The following FAT3 variants were observed in gnomAD, a reference collection of about 807,000 sequenced individuals.
FAT3 encodes FAT atypical cadherin 3.
FAT3 carries 95 observed loss-of-function variants against 310.2 expected under a neutral mutation model. The ratio of observed to expected loss-of-function variants is 0.31; its 90% confidence interval spans 0.26 to 0.36. The LOEUF is 0.36. Ranked by LOEUF, FAT3 falls within the 10% of genes least tolerant of loss-of-function variation. The pLI, the probability that FAT3 is intolerant of heterozygous loss-of-function variation, is 1.00. For missense variants in FAT3, 5,408 were observed against 5,715.6 expected (o/e 0.95, Z 1.74); for synonymous variants, 2,314 against 2,192.9 (o/e 1.06, Z -1.54).
At chr11:92,634,770 T>C (rs1167746207) in intron 3 of FAT3, among the ~76,000 whole-genome samples, 1 of 152,168 alleles carries the variant, frequency 6.6e-6, no homozygotes, top group Non-Finnish European at 1.5e-5. Context: ...ACATTTGTGT[T>C]CCCCAAAAAT....
chr11:92,462,027 G>C (rs646518), intron 2 of FAT3, among the ~76,000 whole-genome samples: 3 of 152,238 alleles, frequency 2.0e-5, no homozygotes, highest in Non-Finnish European at 1.5e-5. Flanking sequence ...TCAGAATCTC[G>C]TACTCTGAAT....
intron 12 of FAT3, among the ~76,000 whole-genome samples, chr11:92,808,564 G>T (rs1947573076): frequency 6.6e-6 from 1 of 152,176 alleles, no homozygotes; most frequent in Non-Finnish European, 1.5e-5. Flanking sequence ...AGAGGGAAAT[G>T]ATCCAACCTG....
chr11:92,410,478 A>G (rs1288421124), intron 2 of FAT3, among the ~76,000 whole-genome samples: 1 of 152,146 alleles, frequency 6.6e-6, no homozygotes, highest in Non-Finnish European at 1.5e-5. Flanking sequence ...CTGAGAGATT[A>G]TGATGCGATG....
At chr11:92,712,852 G>A (rs1343910165) in intron 4 of FAT3, among the ~76,000 whole-genome samples, 3 of 152,218 alleles carry the variant, frequency 2.0e-5, no homozygotes, top group Non-Finnish European at 4.4e-5. Flanking sequence ...ACCACCTACA[G>A]TTTAACTTAA....
At chr11:92,584,688 T>C (rs956295330) in intron 3 of FAT3, among the ~76,000 whole-genome samples, 1 of 151,704 alleles carries the variant, frequency 6.6e-6, no homozygotes, top group African/African-American at 2.4e-5. Flanking sequence ...AGAAAAGGAG[T>C]GGGGAATGCA....
At chr11:92,442,402 C>T (rs559728380) in intron 2 of FAT3, among the ~76,000 whole-genome samples, 210 of 150,738 alleles carry the variant, frequency 1.4e-3, no homozygotes, top group African/African-American at 4.8e-3. Context: ...CATGAGCCAC[C>T]GCGCCTGGCC....
At chr11:92,271,416 A>T (rs975424417) in intron 1 of FAT3, among the ~76,000 whole-genome samples, 7 of 151,996 alleles carry the variant, frequency 4.6e-5, no homozygotes, top group African/African-American at 1.4e-4. Flanking sequence ...ATTCCTGACC[A>T]CCTTAGCTAA....
rs115832117 is a variant in FAT3, at chr11:92,727,751, G to A, written c.3669+30306G>A. Among the ~76,000 whole-genome samples the A allele has an allele frequency of 4.0e-3, 608 of 152,226 alleles. 3 individuals are homozygous for A. Among genetic ancestry groups the A allele is most frequent in the African/African-American group, 0.014 (572 of 41,532 alleles). On this transcript the variant is annotated intron_variant, in intron 4 of 27. Coordinates refer to ENST00000525166, the MANE Select transcript of FAT3 (RefSeq NM_001367949.2). ...TGTTTTCCTCACATGCCTTAGAGTGGTCTTTGTCTTTAAAGTGACAGGCTC... is the reference window on the plus strand; with the variant it reads ...TGTTTTCCTCACATGCCTTAGAGTGATCTTTGTCTTTAAAGTGACAGGCTC...
chr11:92,800,450 T>C lies in FAT3; in HGVS notation c.7437T>C (p.Thr2479=), dbSNP rs970627675. 6.2e-7 allele frequency: 1 copy of C among 1,613,916 alleles called. No homozygotes were observed. The highest frequency in any genetic ancestry group is 1.3e-5 in the African/African-American group (1 of 74,950). ...TCTCTGATGGGTTGTTCACCAGCAC[T>C]GCACAGGTGCATATTAGGGTACTTG... ...VSVSDGLFTS[T]AQVHIRVLGA... Residue 2479 remains threonine (T), a synonymous_variant, in exon 10 of 28, where the codon ACT becomes ACC. Coordinates refer to ENST00000525166, the MANE Select transcript of FAT3 (RefSeq NM_001367949.2).
chr11:92,533,805 G>C (rs1176519866), intron 3 of FAT3, among the ~76,000 whole-genome samples: 4 of 152,024 alleles, frequency 2.6e-5, no homozygotes. Flanking sequence ...AGTGATGGAG[G>C]TGGTAGTTCC....
In FAT3 at chr11:92,882,795, C is replaced by T. The variant is rs756696969; in HGVS notation, c.12339C>T (p.Cys4113=). The change falls in exon 24 of 28, where the codon TGC becomes TGT. Residue 4113 remains cysteine, a synonymous_variant. Coordinates refer to ENST00000525166, the MANE Select transcript of FAT3 (RefSeq NM_001367949.2). ...EREECENGGS[C]VNVFGSFLCN... ...AGGAGTGTGAGAACGGAGGCTCCTG[C>T]GTGAACGTGTTCGGCTCCTTCCTCT... The T allele has an allele frequency of 2.7e-5, 44 of 1,611,836 alleles. No homozygotes were observed. The highest frequency in any genetic ancestry group is 2.5e-4 in the South Asian group (23 of 90,290).
rs766241873 is a variant in FAT3 at position 92,354,200 on chromosome 11, A to G, written c.2088A>G (p.Leu696=). The G allele has an allele frequency of 5.6e-6, 9 of 1,613,674 alleles. No individual in the cohort carries two copies. The highest frequency in any genetic ancestry group is 5.9e-6 in the Non-Finnish European group (7 of 1,179,850). Residue 696 remains leucine (L), a synonymous_variant, in exon 2 of 28, where the codon CTA becomes CTG. Transcript: ENST00000525166. ...TGGCTCAAAAGCTGGCAGAGAAACTACTCATTAAGGCAAAAGCAAATGGGA... is the reference window on the plus strand; with the variant it reads ...TGGCTCAAAAGCTGGCAGAGAAACTGCTCATTAAGGCAAAAGCAAATGGGA... ...TRVAQKLAEK[L]LIKAKANGKL... is the part of the protein sequence containing the mutation.
intron 3 of FAT3, among the ~76,000 whole-genome samples, chr11:92,663,442 T>A (rs898791355): frequency 6.6e-6 from 1 of 152,144 alleles, no homozygotes; most frequent in African/African-American, 2.4e-5. Context: ...TAGTTGCTGA[T>A]GGACTGAAAA....
rs149413456 is a variant in FAT3, at chr11:92,661,781, A to G, written c.3608-35603A>G. On this transcript the variant is annotated intron_variant, in intron 3 of 27. Transcript: ENST00000525166. ...GAGAGGCATTTAACAAATTATCAAT[A>G]AATCAGCATCTAATTTTTTCCTAAT... Among the ~76,000 whole-genome samples, 436 of 152,262 alleles carry G rather than the reference A, an allele frequency of 2.9e-3. 1 individual carries two copies. The highest frequency in any genetic ancestry group is 0.01 in the African/African-American group (421 of 41,552).
At chr11:92,846,018 A>T (rs1329285858) in intron 19 of FAT3, among the ~76,000 whole-genome samples, 1 of 152,216 alleles carries the variant, frequency 6.6e-6, no homozygotes, top group Admixed American at 6.5e-5. Flanking sequence ...GCTGCAAAGT[A>T]ACTCAAAGCA....
At chr11:92,370,540 G>A (rs1949156826) in intron 2 of FAT3, among the ~76,000 whole-genome samples, 1 of 152,128 alleles carries the variant, frequency 6.6e-6, no homozygotes, top group Non-Finnish European at 1.5e-5. Flanking sequence ...AGAATATTTG[G>A]TTAATAAAGG....
intron 1 of FAT3, among the ~76,000 whole-genome samples, chr11:92,273,938 G>A (rs962469818): frequency 3.3e-5 from 5 of 152,072 alleles, no homozygotes; most frequent in African/African-American, 1.2e-4. Flanking sequence ...TTTATGACGG[G>A]TTTGTTTATC....
intron 4 of FAT3, among the ~76,000 whole-genome samples, chr11:92,750,031 G>A (rs1330549469): frequency 6.6e-6 from 1 of 152,244 alleles, no homozygotes; most frequent in Admixed American, 6.5e-5. Flanking sequence ...ACCAGCCTAT[G>A]TAGATGAGTT....
intron 13 of FAT3, 111 bp from the exon 14 acceptor site, chr11:92,831,511 A>T: frequency 1.1e-6 from 1 of 874,110 alleles, no homozygotes; most frequent in South Asian, 2.0e-5. Context: ...TGTTTCTGTA[A>T]TAACTATTTT....
Sources: gnomAD v4.1 joint callset for allele counts (sites outside exome capture counted in the v4.1 genomes callset) on GRCh38, gnomAD v4.1.1 for gene constraint, MANE v1.5 for transcripts, NCBI Gene and HGNC (gene_info 2026-07-23, HGNC 2026-07-21) for gene names.